The following SLC16A7 variants were observed in gnomAD, a reference collection of about 807,000 sequenced individuals.
SLC16A7 encodes solute carrier family 16 member 7.
SLC16A7 carries 33 observed loss-of-function variants against 34.9 expected under a neutral mutation model. The observed-to-expected ratio is 0.94, with a 90% confidence interval of 0.72 to 1.26. The LOEUF is 1.26. Ranked by LOEUF, SLC16A7 falls within the 50% of genes most tolerant of loss-of-function variation. The pLI is 0.00. For missense variants in SLC16A7, 573 were observed against 578.1 expected (o/e 0.99, Z 0.09); for synonymous variants, 201 against 206.6 (o/e 0.97, Z 0.23).
At chr12:59,768,433 T>A in intron 3 of SLC16A7, 1 of 259,198 alleles carries the variant, frequency 3.9e-6, no homozygotes, top group Non-Finnish European at 7.8e-6. Context: ...CAAGGAGAGT[T>A]GCTTCTTATG....
chr12:59,681,170 A>C (rs1870717919), intron 2 of SLC16A7, among the ~76,000 whole-genome samples: 1 of 152,210 alleles, frequency 6.6e-6, no homozygotes, highest in South Asian at 2.1e-4. Flanking sequence ...AGAGTCTCAA[A>C]GTATTTTGTG....
At chr12:59,689,807 T>A (rs1244863042) in intron 2 of SLC16A7, among the ~76,000 whole-genome samples, 1 of 152,048 alleles carries the variant, frequency 6.6e-6, no homozygotes, top group Non-Finnish European at 1.5e-5. Context: ...CCAAAATCTC[T>A]TAAATATAAT....
intron 3 of SLC16A7, among the ~76,000 whole-genome samples, chr12:59,766,143 G>A (rs1014192805): frequency 1.3e-5 from 2 of 151,818 alleles, no homozygotes; most frequent in African/African-American, 2.4e-5. Context: ...TTTGTTATTG[G>A]TGTATAGGAA....
intron 2 of SLC16A7, among the ~76,000 whole-genome samples, chr12:59,663,667 A>G (rs1191705502): frequency 2.6e-5 from 4 of 152,110 alleles, no homozygotes; most frequent in Admixed American, 6.6e-5. Context: ...TTTTCACTGT[A>G]TTAAAACCTC....
At chr12:59,767,805 GTCATT>G (rs1303334036) in intron 3 of SLC16A7, among the ~76,000 whole-genome samples, 1 of 152,012 alleles carries the variant, frequency 6.6e-6, no homozygotes, top group African/African-American at 2.4e-5. Context: ...GGATCAAGGA[GTCATT>G]TCAAGTTTCA....
intron 1 of SLC16A7, among the ~76,000 whole-genome samples, chr12:59,648,212 G>A (rs1342552954): frequency 6.6e-6 from 1 of 152,128 alleles, no homozygotes; most frequent in East Asian, 1.9e-4. Context: ...AGGCCTTGGG[G>A]TCCTGCTGAA....
chr12:59,779,160 C>A (rs1469076004), intron 5 of SLC16A7, among the ~76,000 whole-genome samples: 1 of 151,586 alleles, frequency 6.6e-6, no homozygotes, highest in African/African-American at 2.4e-5. Flanking sequence ...ACAAAAAATG[C>A]CTAGTTTGTC....
At chr12:59,615,664 G>C (rs1218074397) in intron 1 of SLC16A7, among the ~76,000 whole-genome samples, 1 of 152,094 alleles carries the variant, frequency 6.6e-6, no homozygotes, top group Non-Finnish European at 1.5e-5. Context: ...CTTCCCTTTG[G>C]TGACTGTTCA....
chr12:59,752,360 A>T (rs1879686925), intron 3 of SLC16A7, among the ~76,000 whole-genome samples: 1 of 152,154 alleles, frequency 6.6e-6, no homozygotes, highest in South Asian at 2.1e-4. Flanking sequence ...ACTTTGAAAA[A>T]AATTTAGACG....
chr12:59,774,506 C>A (rs1882537814), intron 4 of SLC16A7, 151 bp from the exon 5 acceptor site: 1 of 493,128 alleles, frequency 2.0e-6, no homozygotes, highest in South Asian at 5.0e-5. Flanking sequence ...TTGTTTTGTG[C>A]AATTACATTT....
intron 2 of SLC16A7, among the ~76,000 whole-genome samples, chr12:59,695,546 A>G (rs1373769502): frequency 6.6e-6 from 1 of 151,972 alleles, no homozygotes; most frequent in African/African-American, 2.4e-5. Context: ...CTCTTTACTC[A>G]TAGTCTTCCT....
chr12:59,774,656 G>A lies in SLC16A7; in HGVS notation c.362-1G>A, dbSNP rs770436723. ...CCCCACTTTTGTTTTGTTCTTTTTA[G>A]GTTTAGGTTTAGCCTTCAACCTGCA... On this transcript the variant is annotated splice_acceptor_variant, in intron 4 of 5. Transcript: ENST00000547379. LOFTEE classifies it high-confidence loss of function. The A allele has an allele frequency of 4.5e-6, 7 of 1,556,728 alleles. No individual in the cohort carries two copies. In the Admixed American group the frequency reaches 1.2e-4, roughly 27 times the overall value.
intron 1 of SLC16A7, among the ~76,000 whole-genome samples, chr12:59,635,818 TA>T (rs1880395047): frequency 6.6e-6 from 1 of 152,000 alleles, no homozygotes; most frequent in African/African-American, 2.4e-5. Context: ...ATACTGCACT[TA>T]AAACTCTTAA....
At chr12:59,766,726 G>A (rs1295664654) in intron 3 of SLC16A7, among the ~76,000 whole-genome samples, 1 of 152,084 alleles carries the variant, frequency 6.6e-6, no homozygotes, top group Non-Finnish European at 1.5e-5. Context: ...TGCTGGATTC[G>A]TTTTGCCAGT....
chr12:59,616,832 A>G (rs1247478254), intron 1 of SLC16A7, among the ~76,000 whole-genome samples: 1 of 152,174 alleles, frequency 6.6e-6, no homozygotes, highest in East Asian at 1.9e-4. Flanking sequence ...TCATTATTTA[A>G]AAGGTTACTA....
At chr12:59,624,738 T>TTGTGTGTGTG (rs34708782) in intron 1 of SLC16A7, among the ~76,000 whole-genome samples, 12 of 145,370 alleles carry the variant, frequency 8.3e-5, no homozygotes, top group African/African-American at 2.5e-4. Flanking sequence ...GCATTGTTAG[T>TTGTGTGTGTG]TGTGTGTGTG....
At chr12:59,671,160 A>G (rs1026224003) in intron 2 of SLC16A7, among the ~76,000 whole-genome samples, 3 of 152,104 alleles carry the variant, frequency 2.0e-5, no homozygotes, top group Non-Finnish European at 4.4e-5. Flanking sequence ...TTACATATGT[A>G]TGCTTCCCTA....
At chr12:59,766,110 T>A (rs1263213170) in intron 3 of SLC16A7, among the ~76,000 whole-genome samples, 1 of 152,214 alleles carries the variant, frequency 6.6e-6, no homozygotes. Context: ...TGAATGGAAG[T>A]TCACTCATGA....
intron 2 of SLC16A7, among the ~76,000 whole-genome samples, chr12:59,660,375 T>G (rs1868779961): frequency 1.3e-5 from 2 of 151,976 alleles, no homozygotes. Context: ...CCATGGGACT[T>G]TAACTTCTAG....
Sources: allele counts gnomAD v4.1 joint callset (sites outside exome capture counted in the v4.1 genomes callset), GRCh38; gene constraint gnomAD v4.1.1; transcripts MANE v1.5; gene names NCBI Gene and HGNC (gene_info 2026-07-23, HGNC 2026-07-21).